The following TACR3 variants were observed in gnomAD, a reference collection of about 807,000 sequenced individuals.
TACR3 encodes the protein tachykinin receptor 3, also known as neuromedin-K receptor.
A neutral mutation model predicts 35.0 loss-of-function variants in TACR3; 34 were observed. The observed-to-expected ratio is 0.97, with a 90% CI of 0.74 to 1.30. The LOEUF (loss-of-function observed/expected upper bound fraction) is 1.30, where lower values mean the gene tolerates loss of function less well. Ranked by LOEUF, TACR3 falls within the 50% of genes most tolerant of loss-of-function variation. The pLI, the probability that TACR3 is intolerant of heterozygous loss-of-function variation, is 0.00. For synonymous variants in TACR3, 233 were observed against 221.1 expected (o/e 1.05, Z -0.48); for missense variants, 558 against 591.7 (o/e 0.94, Z 0.59).
At chr4:103,689,707 A>G (rs549141708) in intron 1 of TACR3, among the ~76,000 whole-genome samples, 12 of 152,106 alleles carry the variant, frequency 7.9e-5, no homozygotes, top group African/African-American at 2.9e-4. Flanking sequence ...GTGAGACTCT[A>G]TTAAATATAC....
chr4:103,709,445 C>G (rs957351508), intron 1 of TACR3, among the ~76,000 whole-genome samples: 5 of 152,136 alleles, frequency 3.3e-5, no homozygotes, highest in Admixed American at 1.3e-4. Context: ...CCTTTACAGA[C>G]AAGCAAATGC....
At chr4:103,650,457 AATAAT>A (rs1170479764) in intron 3 of TACR3, among the ~76,000 whole-genome samples, 1 of 94,018 alleles carries the variant, frequency 1.1e-5, no homozygotes, top group Non-Finnish European at 2.1e-5. Flanking sequence ...CTTAAAGTAT[AATAAT>A]ATATTTATAT....
intron 3 of TACR3, among the ~76,000 whole-genome samples, chr4:103,610,567 A>G (rs1724491339): frequency 2.0e-5 from 3 of 152,062 alleles, no homozygotes; most frequent in African/African-American, 4.8e-5. Context: ...ATTTTCTCCA[A>G]TTCTGTAGAT....
chr4:103,700,683 T>A (rs1722629605), intron 1 of TACR3, among the ~76,000 whole-genome samples: 1 of 152,124 alleles, frequency 6.6e-6, no homozygotes, highest in African/African-American at 2.4e-5. Flanking sequence ...CAAATGTGTT[T>A]TTAAAATGTT....
intron 3 of TACR3, among the ~76,000 whole-genome samples, chr4:103,596,620 ATACTT>A (rs1300735285): frequency 2.6e-5 from 4 of 152,190 alleles, no homozygotes; most frequent in Non-Finnish European, 4.4e-5. Flanking sequence ...TATTATTATT[ATACTT>A]TAAGTTTTAG....
At chr4:103,639,413 G>T (rs192454145) in intron 3 of TACR3, among the ~76,000 whole-genome samples, 1 of 152,024 alleles carries the variant, frequency 6.6e-6, no homozygotes, top group African/African-American at 2.4e-5. Context: ...GACACAGGAA[G>T]GGGAACATCA....
intron 1 of TACR3, among the ~76,000 whole-genome samples, chr4:103,692,638 T>C (rs570497609): frequency 2.0e-5 from 3 of 152,330 alleles, no homozygotes; most frequent in African/African-American, 7.2e-5. Flanking sequence ...TTTTGACATG[T>C]TATGTGTACA....
At chr4:103,676,130 A>T (rs1726165400) in intron 1 of TACR3, among the ~76,000 whole-genome samples, 1 of 152,138 alleles carries the variant, frequency 6.6e-6, no homozygotes, top group South Asian at 2.1e-4. Context: ...AAAGATACTG[A>T]TTTATTCTTC....
rs530750584 is a variant in TACR3, at chr4:103,701,709, T to C, written c.548+17419A>G. Among the ~76,000 whole-genome samples the C allele has an allele frequency of 8.1e-3, 1,227 of 152,122 alleles. 17 individuals carry two copies. The highest frequency in any genetic ancestry group is 0.028 in the African/African-American group (1,166 of 41,502). On this transcript the variant is annotated intron_variant, in intron 1 of 4. Transcript: ENST00000304883. Reference sequence around the variant, plus strand: ...ACTGGTACCAAAACAGAGATATAGATCAATGGAACAGAACAGAGCCCTCAG... The same window carrying C: ...ACTGGTACCAAAACAGAGATATAGACCAATGGAACAGAACAGAGCCCTCAG...
Position 103,690,320 on chromosome 4 carries a change from T to C in TACR3, c.548+28808A>G, listed in dbSNP as rs147974088. On this transcript the variant is annotated intron_variant, in intron 1 of 4. Transcript: ENST00000304883. ...GAATGTAAAACACACCATGCAAACA[T>C]TAAATGAGAGTAAATGAGTAAAAAT... 4.6e-3 allele frequency among the ~76,000 whole-genome samples: 701 copies of C among 152,072 alleles called. 10 individuals are homozygous for C. The highest frequency in any genetic ancestry group is 0.016 in the African/African-American group (663 of 41,498).
intron 3 of TACR3, among the ~76,000 whole-genome samples, chr4:103,617,640 GAAACCA>G (rs1322228327): frequency 1.3e-5 from 2 of 152,104 alleles, no homozygotes; most frequent in Non-Finnish European, 2.9e-5. Flanking sequence ...ATCAAAAGTG[GAAACCA>G]GACTTGGAAT....
At chr4:103,645,166 C>T (rs753108547) in intron 3 of TACR3, among the ~76,000 whole-genome samples, 3 of 151,846 alleles carry the variant, frequency 2.0e-5, no homozygotes, top group Non-Finnish European at 4.4e-5. Flanking sequence ...AATGAGCTGT[C>T]TCTTAGAAAA....
chr4:103,633,067 TGA>T (rs1725103889), intron 3 of TACR3, among the ~76,000 whole-genome samples: 1 of 148,470 alleles, frequency 6.7e-6, no homozygotes, highest in Non-Finnish European at 1.5e-5. Flanking sequence ...TCCCTCTTAC[TGA>T]CATTAACTAC....
intron 1 of TACR3, among the ~76,000 whole-genome samples, chr4:103,687,184 C>T (rs894752907): frequency 2.6e-5 from 4 of 152,096 alleles, no homozygotes; most frequent in East Asian, 1.9e-4. Context: ...AGGCCTTTGA[C>T]AAAATTCAAT....
chr4:103,667,350 A>AAGT (rs1253293592), intron 1 of TACR3, among the ~76,000 whole-genome samples: 1 of 152,212 alleles, frequency 6.6e-6, no homozygotes, highest in Non-Finnish European at 1.5e-5. Context: ...AGGGTAAAGA[A>AAGT]AGTACAGTTA....
At chr4:103,678,010 A>C (rs772394517) in intron 1 of TACR3, among the ~76,000 whole-genome samples, 1 of 152,068 alleles carries the variant, frequency 6.6e-6, no homozygotes, top group Non-Finnish European at 1.5e-5. Flanking sequence ...TTCAACAGAA[A>C]CCTGTTTCAT....
rs1560814037 is a variant in TACR3 at position 103,629,866 on chromosome 4, A to AG, written c.888+26327_888+26328insC. 2.5e-4 allele frequency among the ~76,000 whole-genome samples: 35 copies of AG among 137,400 alleles called. 1 individual carries two copies. The highest frequency in any genetic ancestry group is 4.9e-4 in the Non-Finnish European group (31 of 62,846). The allele number at this position is 137,400 out of a possible 152,430, so 90.1% of individuals were successfully genotyped here. ...TAAGCAAAACAAAAAAAAAACAAAAAAAAAACAAAAAAAACAACAACAACA... is the reference window on the plus strand; with the variant it reads ...TAAGCAAAACAAAAAAAAAACAAAAAGAAAAACAAAAAAAACAACAACAACA... On this transcript the variant is annotated intron_variant, in intron 3 of 4. Coordinates refer to ENST00000304883, the MANE Select transcript of TACR3 (RefSeq NM_001059.3).
intron 3 of TACR3, among the ~76,000 whole-genome samples, chr4:103,619,657 G>A (rs908357304): frequency 7.3e-5 from 11 of 149,880 alleles, no homozygotes; most frequent in Non-Finnish European, 1.5e-4. Context: ...TTGTGGGTCC[G>A]TTACAGATGG....
At chr4:103,680,365 A>T (rs938454542) in intron 1 of TACR3, among the ~76,000 whole-genome samples, 4 of 151,454 alleles carry the variant, frequency 2.6e-5, no homozygotes, top group Non-Finnish European at 5.9e-5. Flanking sequence ...GGAGAAAAAA[A>T]ATCTGAGCAG....
Sources: gnomAD v4.1 joint callset for allele counts (sites outside exome capture counted in the v4.1 genomes callset) on GRCh38, gnomAD v4.1.1 for gene constraint, MANE v1.5 for transcripts, NCBI Gene and HGNC (gene_info 2026-07-23, HGNC 2026-07-21) for gene names.